Variants in COL24A1 observed in about 807,000 individuals in gnomAD.
The protein encoded by COL24A1 is collagen alpha-1(XXIV) chain.
Under a neutral mutation model 253.9 loss-of-function variants are expected in COL24A1, and 224 were observed. The ratio of observed to expected loss-of-function variants is 0.88; its 90% confidence interval spans 0.79 to 0.99. The LOEUF is 0.99. Ranked by LOEUF, COL24A1 falls within the 50% of genes least tolerant of loss-of-function variation. The probability of loss-of-function intolerance (pLI) is 0.00; values close to 1 mark genes in which losing one functional copy is unlikely to be tolerated. For synonymous variants in COL24A1, 685 were observed against 673.7 expected (o/e 1.02, Z -0.26); for missense variants, 2,131 against 2,068.5 (o/e 1.03, Z -0.59).
chr1:85,835,477 T>G (rs182381304), intron 43 of COL24A1, among the ~76,000 whole-genome samples: 10 of 152,284 alleles, frequency 6.6e-5, no homozygotes, highest in African/African-American at 2.4e-4. Flanking sequence ...ACATAAAGTA[T>G]GTCAGTACAA....
intron 12 of COL24A1, 99 bp downstream of exon 12, chr1:86,046,726 A>T (rs1405028113): frequency 2.7e-5 from 38 of 1,429,896 alleles, no homozygotes; most frequent in Non-Finnish European, 3.5e-5. Context: ...TATAAACAAC[A>T]ACAAAAAGCA....
intron 19 of COL24A1, among the ~76,000 whole-genome samples, chr1:85,989,604 T>A (rs1191400852): frequency 6.6e-6 from 1 of 152,202 alleles, no homozygotes; most frequent in Non-Finnish European, 1.5e-5. Context: ...GTTACTGGCC[T>A]CAGAATAGAA....
At chr1:86,023,823 C>T in intron 14 of COL24A1, among the ~76,000 whole-genome samples, 1 of 152,038 alleles carries the variant, frequency 6.6e-6, no homozygotes, top group African/African-American at 2.4e-5. Flanking sequence ...GGTTTGGGAT[C>T]AGTTATAATT....
chr1:85,948,697 G>A (rs1482630124), intron 24 of COL24A1, among the ~76,000 whole-genome samples: 1 of 151,502 alleles, frequency 6.6e-6, no homozygotes, highest in African/African-American at 2.4e-5. Context: ...ATTTTTGAAT[G>A]ACTCCTCCCT....
At position 86,107,817 on chromosome 1, in the gene COL24A1, G is replaced by A. The variant is rs115238699; in HGVS notation, c.1599+4750C>T. 1.2e-3 allele frequency among the ~76,000 whole-genome samples: 180 copies of A among 152,212 alleles called. 1 individual carries two copies. The highest frequency in any genetic ancestry group is 4.3e-3 in the African/African-American group (178 of 41,496). ...CCCAAAGTGGTAATTTTTAATACTT[G>A]TCACAAATCTACTATCTTCCACAAA... is the stretch of plus-strand genomic sequence containing the variant. On this transcript the variant is annotated intron_variant, in intron 5 of 59. Transcript: ENST00000370571.
intron 14 of COL24A1, among the ~76,000 whole-genome samples, chr1:86,028,781 C>T (rs1017296726): frequency 6.6e-6 from 1 of 152,058 alleles, no homozygotes; most frequent in Non-Finnish European, 1.5e-5. Context: ...TTTTATGTGC[C>T]AGACAGTGTG....
In COL24A1 at chr1:86,022,547, A is replaced by G; in HGVS notation, c.2193T>C (p.Pro731=). 6.2e-7 allele frequency: 1 copy of G among 1,611,982 alleles called. No individual in the cohort carries two copies. The highest frequency in any genetic ancestry group is 1.1e-5 in the South Asian group (1 of 90,496). Residue 731 remains proline, a synonymous_variant, in exon 17 of 60, where the codon CCT becomes CCC. Coordinates refer to ENST00000370571, the MANE Select transcript of COL24A1 (RefSeq NM_152890.7). ...TAGELGEPGY[P]GDKGAVGLPG... is the part of the protein sequence containing the mutation. ...ATGGTATAAACATTACCTTGTCTCC[A>G]GGATACCCGGGTTCTCCTAGCTCTC... is the stretch of plus-strand genomic sequence containing the variant.
rs376753598 is a variant in COL24A1, at chr1:85,786,338, C to A, written c.4059+16G>T. 1 of 1,611,346 alleles carries A rather than the reference C, an allele frequency of 6.2e-7. No individual in the cohort carries two copies. The highest frequency in any genetic ancestry group is 1.1e-5 in the South Asian group (1 of 90,854). ...GGCCAATACTGCTTACCCATTGGAA[C>A]AAAATATTAAAGTACCTTTGGGCCT... On this transcript the variant is annotated intron_variant, in intron 48 of 59. Transcript: ENST00000370571.
chr1:85,772,556 G>T (rs1315236692), intron 53 of COL24A1, among the ~76,000 whole-genome samples: 1 of 151,872 alleles, frequency 6.6e-6, no homozygotes, highest in Non-Finnish European at 1.5e-5. Context: ...TTTAATGATC[G>T]CCATTCTAAC....
chr1:85,844,151 T>G (rs1348864275), intron 39 of COL24A1, among the ~76,000 whole-genome samples: 1 of 151,806 alleles, frequency 6.6e-6, no homozygotes, highest in Non-Finnish European at 1.5e-5. Flanking sequence ...GAAAAAGGAA[T>G]CTTTTGACAA....
At chr1:86,147,694 G>C (rs1368471631) in intron 1 of COL24A1, among the ~76,000 whole-genome samples, 2 of 152,208 alleles carry the variant, frequency 1.3e-5, no homozygotes, top group Non-Finnish European at 2.9e-5. Flanking sequence ...TTAACTAGGT[G>C]ATTCTAGTGC....
chr1:85,991,710 G>A (rs1284281737), intron 19 of COL24A1, among the ~76,000 whole-genome samples: 1 of 152,062 alleles, frequency 6.6e-6, no homozygotes, highest in African/African-American at 2.4e-5. Context: ...AGTATCAGTG[G>A]AGAAATATTA....
chr1:86,014,597 C>G (rs988732636), intron 19 of COL24A1, among the ~76,000 whole-genome samples: 6 of 109,616 alleles, frequency 5.5e-5, no homozygotes, highest in African/African-American at 1.7e-4. Context: ...CTCTGAATCT[C>G]TTCCTTCTCC....
At chr1:85,864,867 C>G (rs1356042053) in intron 37 of COL24A1, among the ~76,000 whole-genome samples, 1 of 152,142 alleles carries the variant, frequency 6.6e-6, no homozygotes, top group Non-Finnish European at 1.5e-5. Context: ...CAAATCTGTT[C>G]AGATCTTAGA....
At chr1:85,767,880 C>T (rs1411584248) in intron 53 of COL24A1, among the ~76,000 whole-genome samples, 1 of 152,140 alleles carries the variant, frequency 6.6e-6, no homozygotes, top group Non-Finnish European at 1.5e-5. Flanking sequence ...TCAACTATTA[C>T]CTATTACATG....
chr1:86,093,829 G>C (rs185526475), intron 5 of COL24A1, among the ~76,000 whole-genome samples: 7 of 151,946 alleles, frequency 4.6e-5, no homozygotes, highest in African/African-American at 1.4e-4. Flanking sequence ...GTGTGCAAGG[G>C]ATATGAAAAG....
chr1:86,050,785 T>C lies in COL24A1; in HGVS notation c.1852-608A>G, dbSNP rs117772790. ...ATGTGTAAGACCCACCCTGCCTTAA[T>C]AAAGATTCCAATCTGATCTGAGAAA... is the stretch of plus-strand genomic sequence containing the variant. On this transcript the variant is annotated intron_variant, in intron 10 of 59. Coordinates refer to ENST00000370571, the MANE Select transcript of COL24A1 (RefSeq NM_152890.7). 2.2e-4 allele frequency among the ~76,000 whole-genome samples: 33 copies of C among 152,250 alleles called. No individual in the cohort carries two copies. In the East Asian group the frequency reaches 6.0e-3, roughly 28 times the overall value.
chr1:85,921,035 G>A (rs748480150), intron 24 of COL24A1, among the ~76,000 whole-genome samples: 1 of 152,144 alleles, frequency 6.6e-6, no homozygotes, highest in South Asian at 2.1e-4. Flanking sequence ...CTCTCAGCAT[G>A]ATCTGCATTT....
chr1:85,835,164 G>A (rs1675855746), intron 43 of COL24A1, among the ~76,000 whole-genome samples: 1 of 151,838 alleles, frequency 6.6e-6, no homozygotes, highest in South Asian at 2.1e-4. Context: ...TCTGTTGCCA[G>A]GCTGGAGTGC....
Sources: gnomAD v4.1 joint callset for allele counts (sites outside exome capture counted in the v4.1 genomes callset) on GRCh38, gnomAD v4.1.1 for gene constraint, MANE v1.5 for transcripts, NCBI Gene and HGNC (gene_info 2026-07-23, HGNC 2026-07-21) for gene names.